Variants in EFL1 observed in about 807,000 individuals in gnomAD.
EFL1 encodes elongation factor like GTPase 1, also known as elongation factor-like GTPase 1.
A neutral mutation model predicts 126.7 loss-of-function variants in EFL1; 76 were observed. The observed-to-expected ratio is 0.60, with a 90% CI of 0.50 to 0.73. The LOEUF (loss-of-function observed/expected upper bound fraction) is 0.73, where lower values mean the gene tolerates loss of function less well. Among genes scored for constraint, EFL1 ranks in the 30% least tolerant of loss-of-function variants. The pLI is 0.00. For synonymous variants in EFL1, 410 were observed against 448.4 expected (o/e 0.91, Z 1.08); for missense variants, 1,128 against 1,343.2 (o/e 0.84, Z 2.50).
At chr15:82,239,151 T>C (rs529858871) in intron 6 of EFL1, among the ~76,000 whole-genome samples, 3 of 152,312 alleles carry the variant, frequency 2.0e-5, no homozygotes, top group African/African-American at 4.8e-5. Context: ...TTTTTCTTTT[T>C]TCTGAGGTGG....
At chr15:82,142,227 G>A (rs2073796923) in intron 18 of EFL1, among the ~76,000 whole-genome samples, 3 of 152,186 alleles carry the variant, frequency 2.0e-5, no homozygotes, top group Non-Finnish European at 4.4e-5. Flanking sequence ...AGAGTTGGTT[G>A]AGTACAGCGG....
Position 82,152,076 on chromosome 15 carries a change from T to A in EFL1, c.2378A>T (p.His793Leu), listed in dbSNP as rs747779740. 6.2e-7 allele frequency: 1 copy of A among 1,614,166 alleles called. No individual in the cohort carries two copies. Among genetic ancestry groups the A allele is most frequent in the South Asian group, 1.1e-5 (1 of 91,074 alleles). Reference protein sequence around the residue: ...LNEGENTHMIHQKTQEKIWEF... With the variant: ...LNEGENTHMILQKTQEKIWEF... ...CCAAATTTTCTCTTGGGTCTTCTGA[T>A]GAATCATGTGAGTATTTTCACCCTC... The change falls in exon 18 of 20, where the codon CAT (histidine) becomes CTT (leucine). Residue 793 changes from histidine (H) to leucine (L), a missense_variant. Around this residue, in one of 6 missense-constraint regions of EFL1, gnomAD observed 561 missense variants for 641.7 expected, o/e 0.87. Coordinates refer to ENST00000268206, the MANE Select transcript of EFL1 (RefSeq NM_024580.6).
At chr15:82,239,017 A>G (rs893172271) in intron 6 of EFL1, among the ~76,000 whole-genome samples, 2 of 152,180 alleles carry the variant, frequency 1.3e-5, no homozygotes, top group African/African-American at 2.4e-5. Context: ...AGAAAATGGA[A>G]CCTATTACTC....
At chr15:82,168,623 C>T (rs2074102448) in intron 15 of EFL1, among the ~76,000 whole-genome samples, 3 of 152,154 alleles carry the variant, frequency 2.0e-5, no homozygotes, top group East Asian at 1.9e-4. Context: ...AGCGATTCTC[C>T]CATCTCAGCC....
At chr15:82,155,273 G>C (rs1372990998) in intron 17 of EFL1, among the ~76,000 whole-genome samples, 3 of 152,108 alleles carry the variant, frequency 2.0e-5, no homozygotes, top group African/African-American at 7.2e-5. Flanking sequence ...AGGCCGAGGA[G>C]GTTGGATCAC....
At chr15:82,254,353 C>T (rs1334764644) in intron 3 of EFL1, among the ~76,000 whole-genome samples, 2 of 152,108 alleles carry the variant, frequency 1.3e-5, no homozygotes, top group Admixed American at 1.3e-4. Context: ...GTCTCAGTCC[C>T]TTGTCAGTTT....
chr15:82,170,106 CTTTTTTTTTTT>C (rs760955432), intron 15 of EFL1, among the ~76,000 whole-genome samples: 18 of 78,856 alleles, frequency 2.3e-4, no homozygotes, highest in Non-Finnish European at 3.5e-4. Flanking sequence ...CACTGGATGT[CTTTTTTTTTTT>C]TTTTTTTTTT....
intron 15 of EFL1, 149 bp from the exon 16 acceptor site, chr15:82,164,133 T>A: frequency 5.1e-6 from 5 of 971,080 alleles, no homozygotes; most frequent in Non-Finnish European, 7.3e-6. Flanking sequence ...GCACTGTTTT[T>A]TTTTTTGTAC....
At chr15:82,209,310 GACACAGACACAC>G (rs916030273) in intron 15 of EFL1, among the ~76,000 whole-genome samples, 3 of 94,942 alleles carry the variant, frequency 3.2e-5, no homozygotes, top group African/African-American at 7.9e-5. Context: ...TTCACACACA[GACACAGACACAC>G]ACACACACAC....
At chr15:82,216,390 T>G (rs1302473074) in intron 14 of EFL1, among the ~76,000 whole-genome samples, 2 of 152,082 alleles carry the variant, frequency 1.3e-5, no homozygotes, top group Non-Finnish European at 2.9e-5. Flanking sequence ...ATAAACTTGA[T>G]ATATAGGAGC....
In EFL1 at chr15:82,262,619, G is replaced by A; in HGVS notation, c.-25C>T. 2.4e-6 allele frequency: 1 copy of A among 417,556 alleles called. No individual in the cohort carries two copies. 25.9% of individuals were successfully genotyped at this position (417,556 alleles called of 1,614,324 possible). On this transcript the variant is annotated 5_prime_UTR_variant, in exon 1 of 20. Coordinates refer to ENST00000268206, the MANE Select transcript of EFL1 (RefSeq NM_024580.6). Reference sequence around the variant, plus strand: ...CAGCGCCAGCCCACACTCACCGGCTGCAGCAGCCCCACCAGCCCCGCTCCT... The same window carrying A: ...CAGCGCCAGCCCACACTCACCGGCTACAGCAGCCCCACCAGCCCCGCTCCT...
rs551639508 is a variant in EFL1, at chr15:82,173,062, A to G, written c.1751-9078T>C. ...CTAGAAAAACTCATCTATGTGCACA[A>G]GGAAAAAAATGTTCAAAAGTATTCA... is the stretch of plus-strand genomic sequence containing the variant. On this transcript the variant is annotated intron_variant, in intron 15 of 19. Coordinates refer to ENST00000268206, the MANE Select transcript of EFL1 (RefSeq NM_024580.6). Among the ~76,000 whole-genome samples the G allele has an allele frequency of 5.3e-5, 8 of 152,302 alleles. 1 individual carries two copies. The East Asian group carries it at 1.5e-3, about 29-fold the overall frequency.
At chr15:82,236,546 A>G (rs1436718156) in intron 7 of EFL1, among the ~76,000 whole-genome samples, 2 of 152,232 alleles carry the variant, frequency 1.3e-5, no homozygotes, top group African/African-American at 4.8e-5. Context: ...TGACAAAGGC[A>G]CAAAAGCAAT....
chr15:82,174,608 T>G (rs2074174310), intron 15 of EFL1, among the ~76,000 whole-genome samples: 1 of 152,168 alleles, frequency 6.6e-6, no homozygotes, highest in Admixed American at 6.5e-5. Context: ...TGGTGCCTGG[T>G]GTCCACAGAG....
At chr15:82,240,283 T>C in intron 6 of EFL1, 135 bp downstream of exon 6, 2 of 803,048 alleles carry the variant, frequency 2.5e-6, no homozygotes, top group Middle Eastern at 3.7e-4. Context: ...GCCTCTCTTG[T>C]AGAATAACAG....
At chr15:82,167,765 T>C (rs1650900956) in intron 15 of EFL1, among the ~76,000 whole-genome samples, 1 of 152,224 alleles carries the variant, frequency 6.6e-6, no homozygotes, top group Admixed American at 6.5e-5. Flanking sequence ...TTTGGATTTG[T>C]AAAGTGCTCT....
intron 6 of EFL1, among the ~76,000 whole-genome samples, chr15:82,239,162 A>G (rs1179424832): frequency 6.6e-6 from 1 of 152,044 alleles, no homozygotes; most frequent in Non-Finnish European, 1.5e-5. Flanking sequence ...TCTGAGGTGG[A>G]GTCTCGCTCT....
chr15:82,148,248 T>G (rs930317033), intron 18 of EFL1, among the ~76,000 whole-genome samples: 1 of 151,858 alleles, frequency 6.6e-6, no homozygotes, highest in Admixed American at 6.6e-5. Flanking sequence ...TGTGGTGGCA[T>G]GCGCCTGTAG....
chr15:82,200,220 G>A (rs941153081), intron 15 of EFL1, among the ~76,000 whole-genome samples: 3 of 151,970 alleles, frequency 2.0e-5, no homozygotes, highest in Non-Finnish European at 2.9e-5. Flanking sequence ...GTTATAGAAC[G>A]TAAAACATTC....
Sources: gnomAD v4.1 joint callset for allele counts (sites outside exome capture counted in the v4.1 genomes callset) on GRCh38, gnomAD v4.1.1 for gene constraint, gnomAD v4.1.1 regional missense constraint, MANE v1.5 for transcripts, NCBI Gene and HGNC (gene_info 2026-07-23, HGNC 2026-07-21) for gene names.